Variants in MMD2 observed in about 807,000 individuals in gnomAD.
MMD2 encodes the protein monocyte to macrophage differentiation associated 2.
Under a neutral mutation model 33.5 loss-of-function variants are expected in MMD2, and 30 were observed. The ratio of observed to expected loss-of-function variants is 0.90; its 90% CI spans 0.67 to 1.22. MMD2 has a LOEUF of 1.22. MMD2 is among the 50% of genes most tolerant of loss of function. MMD2 has a pLI of 0.00. For synonymous variants in MMD2, 129 were observed against 123.0 expected (o/e 1.05, Z -0.32); for missense variants, 364 against 325.4 (o/e 1.12, Z -0.91).
At chr7:4,947,463 A>G (rs1786119655) in intron 1 of MMD2, among the ~76,000 whole-genome samples, 1 of 149,934 alleles carries the variant, frequency 6.7e-6, no homozygotes, top group African/African-American at 2.5e-5. Context: ...GTGGGATCTC[A>G]GCTCACTGCA....
chr7:4,933,275 T>C (rs1037097329), intron 1 of MMD2, among the ~76,000 whole-genome samples: 2 of 152,114 alleles, frequency 1.3e-5, no homozygotes, highest in African/African-American at 4.8e-5. Context: ...GGCAAGAGGA[T>C]CACTTGAGCC....
At chr7:4,928,304 T>G (rs1354512621) in intron 1 of MMD2, among the ~76,000 whole-genome samples, 2 of 152,336 alleles carry the variant, frequency 1.3e-5, no homozygotes, top group Admixed American at 1.3e-4. Context: ...ACTTTCTGTA[T>G]GCTGGCGTCA....
At chr7:4,909,826 C>T (rs1284699005) in intron 6 of MMD2, 55 bp downstream of exon 6, 5 of 1,567,218 alleles carry the variant, frequency 3.2e-6, no homozygotes, top group East Asian at 2.4e-5. Context: ...AGGTCCAGCT[C>T]GGACACTCTT....
rs1184971746 is a variant in MMD2, at chr7:4,909,685, C to T, written c.537+196G>A. On this transcript the variant is annotated intron_variant, in intron 6 of 6. Coordinates refer to ENST00000401401, the MANE Select transcript of MMD2 (RefSeq NM_198403.4). Reference sequence around the variant, plus strand: ...CCCTGGACTCAAACTATCCTCCCACCTCAGCCTCCCAAAGGACTGGATTAT... The same window carrying T: ...CCCTGGACTCAAACTATCCTCCCACTTCAGCCTCCCAAAGGACTGGATTAT... 3.9e-6 allele frequency: 3 copies of T among 775,598 alleles called. No individual in the cohort carries two copies. The Admixed American group carries it at 6.0e-5, about 16-fold the overall frequency. 48.0% of individuals were successfully genotyped at this position (775,598 alleles called of 1,614,324 possible).
intron 1 of MMD2, among the ~76,000 whole-genome samples, chr7:4,956,562 C>T (rs1361999632): frequency 6.6e-6 from 1 of 152,158 alleles, no homozygotes. Context: ...TCCCTGGACC[C>T]ATCACCCATA....
intron 3 of MMD2, 67 bp from the exon 4 acceptor site, chr7:4,916,146 C>CA: frequency 6.7e-7 from 1 of 1,499,660 alleles, no homozygotes; most frequent in Non-Finnish European, 9.3e-7. Context: ...GCCCCCAGAG[C>CA]CGTGCCCTGG....
At chr7:4,934,981 T>A (rs1375832038) in intron 1 of MMD2, among the ~76,000 whole-genome samples, 1 of 150,870 alleles carries the variant, frequency 6.6e-6, no homozygotes, top group Non-Finnish European at 1.5e-5. Context: ...AGATCAGGAG[T>A]TCAAAGCCAG....
intron 3 of MMD2, among the ~76,000 whole-genome samples, chr7:4,918,247 G>T (rs1785188982): frequency 6.6e-6 from 1 of 152,154 alleles, no homozygotes; most frequent in Non-Finnish European, 1.5e-5. Context: ...TGGGATACTT[G>T]GTTACAAAGC....
At position 4,920,167 on chromosome 7, in the gene MMD2, G is replaced by T. The variant is rs540555882; in HGVS notation, c.290+4C>A. The T allele has an allele frequency of 6.4e-7, 1 of 1,556,648 alleles. No individual in the cohort carries two copies. The highest frequency in any genetic ancestry group is 8.7e-7 in the Non-Finnish European group (1 of 1,150,552). ...GGCATGGGTCCCCTCTGGGCGGGAGGCACCTGAGGTGGCTCTTCTTCCAGG... is the reference window on the plus strand; with the variant it reads ...GGCATGGGTCCCCTCTGGGCGGGAGTCACCTGAGGTGGCTCTTCTTCCAGG... On this transcript the variant is annotated splice_donor_region_variant and intron_variant, in intron 3 of 6. Coordinates refer to ENST00000401401, the MANE Select transcript of MMD2 (RefSeq NM_198403.4).
chr7:4,914,527 A>G (rs1785093487), intron 4 of MMD2, among the ~76,000 whole-genome samples: 1 of 152,124 alleles, frequency 6.6e-6, no homozygotes, highest in Non-Finnish European at 1.5e-5. Context: ...TTTTGTCCCC[A>G]ACAAAGAGAG....
downstream of MMD2, among the ~76,000 whole-genome samples, chr7:4,902,996 G>A (rs1784814284): frequency 1.3e-5 from 2 of 152,192 alleles, no homozygotes; most frequent in African/African-American, 4.8e-5. Flanking sequence ...CCAGCACTTT[G>A]TGCGGCCGAG....
At chr7:4,920,424 C>G (rs780928370) in intron 2 of MMD2, 93 bp from the exon 3 acceptor site, 1 of 1,303,532 alleles carries the variant, frequency 7.7e-7, no homozygotes, top group Non-Finnish European at 1.1e-6. Context: ...CCCAACGTGG[C>G]AGCACTCGGC....
the MMD2 span, among the ~76,000 whole-genome samples, chr7:4,892,444 T>C: frequency 1.1e-4 from 17 of 151,486 alleles, no homozygotes; most frequent in African/African-American, 1.5e-4. Context: ...AAAAATTAGC[T>C]GGGCATGGTG....
At chr7:4,915,444 ATAT>A (rs974702358) in intron 4 of MMD2, among the ~76,000 whole-genome samples, 2 of 152,018 alleles carry the variant, frequency 1.3e-5, no homozygotes, top group African/African-American at 4.8e-5. Context: ...GTACATATTA[ATAT>A]TTGCTTTTCT....
In MMD2 at chr7:4,921,183, C is replaced by A. The variant is rs554319483; in HGVS notation, c.130-852G>T. 1.9e-3 allele frequency among the ~76,000 whole-genome samples: 290 copies of A among 152,212 alleles called. 1 individual carries two copies. Among genetic ancestry groups the A allele is most frequent in the African/African-American group, 6.8e-3 (281 of 41,540 alleles). ...ACATCCCAGCCCCTCTCTGGGCCAC[C>A]ACACAGAGAAGTATGATGTGCCACA... On this transcript the variant is annotated intron_variant, in intron 2 of 6. Coordinates refer to ENST00000401401, the MANE Select transcript of MMD2 (RefSeq NM_198403.4).
rs1046586589 is a variant in MMD2 at position 4,946,983 on chromosome 7, C to T, written c.47+11988G>A. ...AGCACTTTGGGAGACCGAGATGGGC[C>T]GATCACCTGAGGTCAGGAGTTCAAG... On this transcript the variant is annotated intron_variant, in intron 1 of 6. Transcript: ENST00000401401. The surrounding 1 kb of genome is among the most constrained non-coding windows in gnomAD (Gnocchi z 5.0). 3.9e-5 allele frequency among the ~76,000 whole-genome samples: 6 copies of T among 152,008 alleles called. No individual in the cohort carries two copies. Among genetic ancestry groups the T allele is most frequent in the Admixed American group, 6.6e-5 (1 of 15,240 alleles).
chr7:4,897,519 C>T, the MMD2 span, among the ~76,000 whole-genome samples: 3 of 152,226 alleles, frequency 2.0e-5, no homozygotes, highest in South Asian at 2.1e-4. Context: ...ATACAGTTTC[C>T]GTTTCCTCCC....
At chr7:4,945,185 T>TTTATTCTTCTTCTTCTTCTTC (rs1554273336) in intron 1 of MMD2, among the ~76,000 whole-genome samples, 3 of 93,480 alleles carry the variant, frequency 3.2e-5, no homozygotes, top group African/African-American at 1.2e-4. Context: ...CCTCTTCCTC[T>TTTATTCTTCTTCTTCTTCTTC]TTCTTCTTCT....
At chr7:4,910,018 C>A (rs1049571299) in intron 5 of MMD2, 68 bp from the exon 6 acceptor site, 1 of 1,613,888 alleles carries the variant, frequency 6.2e-7, no homozygotes, top group African/African-American at 1.3e-5. Context: ...ACACAGCTCC[C>A]TGTTCTTGGG....
Sources: gnomAD v4.1 joint callset for allele counts (sites outside exome capture counted in the v4.1 genomes callset) on GRCh38, gnomAD v4.1.1 for gene constraint, Gnocchi (gnomAD v3.1) non-coding constraint, MANE v1.5 for transcripts, NCBI Gene and HGNC (gene_info 2026-07-23, HGNC 2026-07-21) for gene names.